DAB1: variants seen among roughly 807,000 people sequenced by gnomAD.
DAB1 encodes the protein DAB adaptor protein 1, also known as disabled homolog 1.
In DAB1, 15 loss-of-function variants were observed where a neutral mutation model predicts 64.6. That is an observed-to-expected ratio of 0.23 (90% CI 0.16 to 0.36). The LOEUF (loss-of-function observed/expected upper bound fraction) is 0.36, where lower values mean the gene tolerates loss of function less well. Among genes scored for constraint, DAB1 ranks in the 10% least tolerant of loss-of-function variants. DAB1 has a pLI of 1.00. For missense variants in DAB1, 596 were observed against 706.7 expected, an observed-to-expected ratio of 0.84 and a Z score of 1.78; for synonymous variants, 235 against 251.9, an observed-to-expected ratio of 0.93 and a Z score of 0.64.
chr1:58,084,813 G>GTA (rs964737303), intron 5 of DAB1, among the ~76,000 whole-genome samples: 36 of 149,748 alleles, frequency 2.4e-4, no homozygotes, highest in Non-Finnish European at 3.8e-4. Context: ...ACACATATGT[G>GTA]TATATATATA....
At chr1:57,127,447 T>C (rs945320685) in intron 4 of DAB1, among the ~76,000 whole-genome samples, 1 of 152,218 alleles carries the variant, frequency 6.6e-6, no homozygotes, top group Admixed American at 6.5e-5. Context: ...AGTGGAAAAA[T>C]GCCCTGACCT....
chr1:57,695,353 AAAAGAAAGAAGAAAG>A (rs1646819409), intron 6 of DAB1, among the ~76,000 whole-genome samples: 1 of 39,394 alleles, frequency 2.5e-5, no homozygotes, highest in South Asian at 1.2e-3. Context: ...AGAAAGAAAG[AAAAGAAAGAAGAAAG>A]AAAGAAAGAA....
intron 4 of DAB1, among the ~76,000 whole-genome samples, chr1:57,090,945 T>C (rs1293666487): frequency 1.3e-5 from 2 of 152,136 alleles, no homozygotes; most frequent in Admixed American, 1.3e-4. Context: ...AGATCTACGT[T>C]GCACACTCCT....
At chr1:57,761,514 T>C (rs1384202470) in intron 6 of DAB1, among the ~76,000 whole-genome samples, 1 of 152,196 alleles carries the variant, frequency 6.6e-6, no homozygotes, top group African/African-American at 2.4e-5. Flanking sequence ...GCCAATTTCA[T>C]TGCTCCAGCT....
intron 2 of DAB1, among the ~76,000 whole-genome samples, chr1:57,256,315 G>C (rs1200347343): frequency 6.6e-6 from 1 of 152,146 alleles, no homozygotes; most frequent in East Asian, 1.9e-4. Flanking sequence ...GACAGGATCT[G>C]GAAAATAATT....
intron 4 of DAB1, among the ~76,000 whole-genome samples, chr1:58,259,994 G>C (rs1661013404): frequency 6.6e-6 from 1 of 152,124 alleles, no homozygotes; most frequent in African/African-American, 2.4e-5. Context: ...CCTATTTATG[G>C]CTGAAAAGTT....
rs1034976319 is a variant in DAB1 at position 57,106,258 on chromosome 1, C to CCA, written c.306+30284_306+30285insTG. On this transcript the variant is annotated intron_variant, in intron 4 of 14. Transcript: ENST00000371236. ...CTCCTGTTCATTTATCCCCCTAACA[C>CCA]CCCCCCCCATCAGTATTATCTCTGC... 6.0e-3 allele frequency among the ~76,000 whole-genome samples: 46 copies of CCA among 7,726 alleles called. No individual in the cohort carries two copies. In the Middle Eastern group the frequency reaches 0.21, roughly 36 times the overall value. The allele number at this position is 7,726 out of a possible 152,430, so 5.1% of individuals were successfully genotyped here. A position where few individuals can be genotyped will look rare whatever the true frequency, so the allele number is the denominator to read the frequency against.
intron 2 of DAB1, among the ~76,000 whole-genome samples, chr1:57,257,350 G>A: frequency 6.6e-6 from 1 of 152,206 alleles, no homozygotes; most frequent in Non-Finnish European, 1.5e-5. Context: ...TAGGACCTGT[G>A]ACATTCTGCC....
intron 7 of DAB1, among the ~76,000 whole-genome samples, chr1:57,648,166 C>A (rs1310092101): frequency 6.6e-6 from 1 of 152,158 alleles, no homozygotes; most frequent in Non-Finnish European, 1.5e-5. Context: ...CAAACTCAGT[C>A]CAGCATCAAA....
chr1:57,425,377 C>T (rs981301134), upstream of DAB1, among the ~76,000 whole-genome samples: 4 of 152,000 alleles, frequency 2.6e-5, no homozygotes, highest in African/African-American at 7.2e-5. Flanking sequence ...CTCGTAGCTT[C>T]TGACACTCAC....
chr1:57,190,442 C>T (rs1228317888), intron 2 of DAB1, among the ~76,000 whole-genome samples: 1 of 152,046 alleles, frequency 6.6e-6, no homozygotes, highest in Non-Finnish European at 1.5e-5. Context: ...GGTGAAGTGA[C>T]CTGGTCATGA....
chr1:58,157,660 G>A (rs1435473998), intron 4 of DAB1, among the ~76,000 whole-genome samples: 1 of 152,164 alleles, frequency 6.6e-6, no homozygotes, highest in Non-Finnish European at 1.5e-5. Flanking sequence ...GATCGATTCA[G>A]AGCTTAATTA....
intron 1 of DAB1, among the ~76,000 whole-genome samples, chr1:57,338,905 C>T (rs992856207): frequency 6.6e-6 from 1 of 152,104 alleles, no homozygotes; most frequent in Admixed American, 6.6e-5. Flanking sequence ...TTTGTAAGTG[C>T]TAAATATTTA....
intron 3 of DAB1, among the ~76,000 whole-genome samples, chr1:58,402,450 A>G (rs1441078117): frequency 4.6e-5 from 7 of 152,242 alleles, no homozygotes; most frequent in Non-Finnish European, 1.0e-4. Flanking sequence ...CACATGCAGG[A>G]AGTCTCTCTG....
At chr1:57,415,246 AACACACACACAC>A (rs111517848) in intron 1 of DAB1, among the ~76,000 whole-genome samples, 8 of 143,234 alleles carry the variant, frequency 5.6e-5, no homozygotes, top group Admixed American at 2.8e-4. Flanking sequence ...TACCTCACAC[AACACACACACAC>A]ACACACACAC....
At chr1:58,372,065 G>A (rs374096012) in intron 3 of DAB1, among the ~76,000 whole-genome samples, 8 of 152,166 alleles carry the variant, frequency 5.3e-5, no homozygotes, top group Non-Finnish European at 1.2e-4. Context: ...GTAAGAAGAA[G>A]GCCACTGTTC....
chr1:58,129,729 C>G (rs1275460784), intron 5 of DAB1, among the ~76,000 whole-genome samples: 1 of 150,754 alleles, frequency 6.6e-6, no homozygotes, highest in Non-Finnish European at 1.5e-5. Flanking sequence ...AGTAGTCATT[C>G]AGGAGCAGGT....
chr1:57,715,447 AGAAATAAAT>A (rs1256703990), intron 6 of DAB1, among the ~76,000 whole-genome samples: 2 of 152,204 alleles, frequency 1.3e-5, no homozygotes, highest in Non-Finnish European at 2.9e-5. Context: ...GGCAGGAGAA[AGAAATAAAT>A]GAAATAAATT....
chr1:58,533,860 A>T (rs1646474849), intron 1 of DAB1: 6 of 763,856 alleles, frequency 7.9e-6, no homozygotes, highest in South Asian at 1.5e-5. Flanking sequence ...TATCATTTTT[A>T]AAAAACCTGA....
Sources: gnomAD v4.1 joint callset for allele counts (sites outside exome capture counted in the v4.1 genomes callset) on GRCh38, gnomAD v4.1.1 for gene constraint, MANE v1.5 for transcripts, NCBI Gene and HGNC (gene_info 2026-07-23, HGNC 2026-07-21) for gene names.